Variants in CNTNAP5 observed in about 807,000 individuals in gnomAD.
CNTNAP5 encodes contactin associated protein family member 5.
In CNTNAP5, 72 loss-of-function variants were observed where a neutral mutation model predicts 150.2. That is an observed-to-expected ratio of 0.48 (90% CI 0.40 to 0.58). CNTNAP5 has a LOEUF of 0.58. CNTNAP5 is among the 20% of genes least tolerant of loss of function. The pLI, the probability that CNTNAP5 is intolerant of heterozygous loss-of-function variation, is 0.00. For missense variants in CNTNAP5, 1,636 were observed against 1,626.2 expected (o/e 1.01, Z -0.10); for synonymous variants, 672 against 619.8 (o/e 1.08, Z -1.25).
intron 7 of CNTNAP5, among the ~76,000 whole-genome samples, chr2:124,488,315 G>A (rs1023236693): frequency 6.6e-6 from 1 of 152,040 alleles, no homozygotes; most frequent in Non-Finnish European, 1.5e-5. Flanking sequence ...CAAATATTGT[G>A]TCAATTGATT....
At chr2:124,785,500 G>A (rs1441124728) in intron 17 of CNTNAP5, among the ~76,000 whole-genome samples, 2 of 152,236 alleles carry the variant, frequency 1.3e-5, no homozygotes, top group Non-Finnish European at 2.9e-5. Context: ...GTTCAGGTGT[G>A]CATGTCTGCG....
chr2:124,030,453 G>A (rs1256088897), intron 1 of CNTNAP5, among the ~76,000 whole-genome samples: 2 of 151,908 alleles, frequency 1.3e-5, no homozygotes, highest in South Asian at 4.1e-4. Context: ...TCAACATCTG[G>A]ACCTATATTT....
intron 2 of CNTNAP5, among the ~76,000 whole-genome samples, chr2:124,230,074 A>T (rs1349946890): frequency 1.3e-5 from 2 of 152,054 alleles, no homozygotes; most frequent in Non-Finnish European, 2.9e-5. Context: ...ATGTCAAGGC[A>T]TTTTCAGCTC....
In CNTNAP5 at chr2:124,837,345, C is replaced by T. The variant is rs148127217; in HGVS notation, c.3218-27961C>T. Among the ~76,000 whole-genome samples, 355 of 152,082 alleles carry T rather than the reference C, an allele frequency of 2.3e-3. 2 individuals carry two copies. The highest frequency in any genetic ancestry group is 0.017 in the Middle Eastern group (5 of 294). On this transcript the variant is annotated intron_variant, in intron 19 of 23. Transcript: ENST00000682447. ...CTACTAAATCTTGACTATGAGAAATCCTCATTAATCAACAAAAAGATGAGG... is the reference window on the plus strand; with the variant it reads ...CTACTAAATCTTGACTATGAGAAATTCTCATTAATCAACAAAAAGATGAGG...
intron 23 of CNTNAP5, among the ~76,000 whole-genome samples, chr2:124,912,445 GACA>G (rs1678676444): frequency 2.0e-5 from 3 of 152,060 alleles, no homozygotes; most frequent in Non-Finnish European, 4.4e-5. Context: ...TGGGTAAACA[GACA>G]ACAAGACAAC....
At position 124,819,286 on chromosome 2, in the gene CNTNAP5, G is replaced by A. The variant is rs183146133; in HGVS notation, c.3217+20966G>A. ...TAGCACAGAGTAGATATTCACTACA[G>A]TATTCAGTTGACTGAATGATTGAAA... On this transcript the variant is annotated intron_variant, in intron 19 of 23. Transcript: ENST00000682447. Among the ~76,000 whole-genome samples the A allele has an allele frequency of 4.4e-4, 67 of 152,188 alleles. No individual in the cohort carries two copies. In the East Asian group the frequency reaches 5.0e-3, roughly 11 times the overall value.
chr2:124,309,707 G>T (rs1688777292), intron 3 of CNTNAP5, among the ~76,000 whole-genome samples: 1 of 152,150 alleles, frequency 6.6e-6, no homozygotes, highest in South Asian at 2.1e-4. Context: ...CCTCCCCTGA[G>T]GATATGCTAC....
chr2:124,116,769 T>G (rs181751026), intron 1 of CNTNAP5, among the ~76,000 whole-genome samples: 1 of 152,232 alleles, frequency 6.6e-6, no homozygotes, highest in Non-Finnish European at 1.5e-5. Flanking sequence ...GGAGTGGACA[T>G]CCTTCATGAG....
chr2:124,541,749 C>T (rs959127949), intron 10 of CNTNAP5, among the ~76,000 whole-genome samples: 17 of 152,084 alleles, frequency 1.1e-4, no homozygotes, highest in Non-Finnish European at 1.9e-4. Flanking sequence ...AGCCAACTAT[C>T]GATAAATAGC....
chr2:124,527,879 C>T (rs923874205), intron 10 of CNTNAP5, among the ~76,000 whole-genome samples: 2 of 152,096 alleles, frequency 1.3e-5, no homozygotes, highest in African/African-American at 4.8e-5. Flanking sequence ...CAGAGGTTCC[C>T]GAAATGCCCA....
chr2:124,530,502 C>T (rs1695080289), intron 10 of CNTNAP5, among the ~76,000 whole-genome samples: 1 of 152,108 alleles, frequency 6.6e-6, no homozygotes, highest in Admixed American at 6.5e-5. Flanking sequence ...ATACTTCATC[C>T]TGAGCAAAAG....
rs1022571904 is a variant in CNTNAP5 at position 124,367,797 on chromosome 2, T to A, written c.382-49646T>A. On this transcript the variant is annotated intron_variant, in intron 3 of 23. Coordinates refer to ENST00000682447, the MANE Select transcript of CNTNAP5 (RefSeq NM_001367498.1). The stretch of plus-strand genomic sequence containing the variant: ...AAAACCTTCTAAAATGCTAACTCTT[T>A]TATTATGGCTGCTTAATGACCTTTG... Among the ~76,000 whole-genome samples the A allele has an allele frequency of 5.9e-5, 9 of 152,328 alleles. No homozygotes were observed. In the East Asian group the frequency reaches 1.7e-3, roughly 29 times the overall value.
At chr2:124,479,717 C>T (rs965772028) in intron 7 of CNTNAP5, among the ~76,000 whole-genome samples, 2 of 152,108 alleles carry the variant, frequency 1.3e-5, no homozygotes, top group Non-Finnish European at 2.9e-5. Flanking sequence ...TTTCTTTTGT[C>T]CTAGAGGGAA....
At chr2:124,285,543 T>A (rs889844770) in intron 3 of CNTNAP5, among the ~76,000 whole-genome samples, 6 of 151,914 alleles carry the variant, frequency 3.9e-5, no homozygotes, top group African/African-American at 1.5e-4. Context: ...CTCACGCCCG[T>A]AATCTCAACA....
intron 3 of CNTNAP5, among the ~76,000 whole-genome samples, chr2:124,337,460 C>T (rs1020528090): frequency 1.1e-4 from 17 of 152,154 alleles, no homozygotes; most frequent in Non-Finnish European, 1.8e-4. Flanking sequence ...TACCTATGTC[C>T]AGAATGGTAT....
At chr2:124,173,363 C>A (rs921364893) in intron 1 of CNTNAP5, among the ~76,000 whole-genome samples, 1 of 152,212 alleles carries the variant, frequency 6.6e-6, no homozygotes, top group South Asian at 2.1e-4. Flanking sequence ...GGAGACAAGA[C>A]AAAAGCCAAG....
chr2:124,431,508 G>GATATATATATATATATAT (rs201654852), intron 4 of CNTNAP5, among the ~76,000 whole-genome samples: 1 of 114,252 alleles, frequency 8.8e-6, no homozygotes, highest in African/African-American at 3.4e-5. Context: ...AAGTGTCAAA[G>GATATATATATATATATAT]ATATATATAT....
chr2:124,475,161 A>G (rs150148088), intron 7 of CNTNAP5, among the ~76,000 whole-genome samples: 3 of 151,906 alleles, frequency 2.0e-5, no homozygotes, highest in African/African-American at 7.2e-5. Flanking sequence ...TTTGCAGTCT[A>G]TATTGGGACA....
chr2:124,892,701 G>A (rs1238536798), intron 21 of CNTNAP5, among the ~76,000 whole-genome samples: 2 of 152,048 alleles, frequency 1.3e-5, no homozygotes, highest in Non-Finnish European at 2.9e-5. Context: ...CAACCTTTAT[G>A]CAGACACAAT....
Sources: gnomAD v4.1 joint callset for allele counts (sites outside exome capture counted in the v4.1 genomes callset) on GRCh38, gnomAD v4.1.1 for gene constraint, MANE v1.5 for transcripts, NCBI Gene and HGNC (gene_info 2026-07-23, HGNC 2026-07-21) for gene names.